Variants in LYST observed in about 807,000 individuals in gnomAD.
LYST encodes lysosomal trafficking regulator.
In LYST, 192 loss-of-function variants were observed where a neutral mutation model predicts 413.6. That is an observed-to-expected ratio of 0.46 (90% CI 0.41 to 0.52). LYST has a LOEUF of 0.52. LYST is among the 20% of genes least tolerant of loss of function. LYST has a pLI of 0.00. For missense variants in LYST, 3,815 were observed against 4,499.9 expected (o/e 0.85, Z 4.35); for synonymous variants, 1,525 against 1,567.3 (o/e 0.97, Z 0.64).
At chr1:235,860,906 T>C (rs988681237) in intron 1 of LYST, among the ~76,000 whole-genome samples, 3 of 152,142 alleles carry the variant, frequency 2.0e-5, no homozygotes, top group African/African-American at 4.8e-5. Flanking sequence ...TATAGATTAA[T>C]AGGCATTTTC....
chr1:235,724,310 T>C (rs1456316039), intron 38 of LYST, 130 bp from the exon 39 acceptor site: 1 of 729,122 alleles, frequency 1.4e-6, no homozygotes, highest in African/African-American at 1.8e-5. Flanking sequence ...TAAGATTACC[T>C]GAAAACTCTC....
chr1:235,745,724 A>T (rs1222081919), intron 29 of LYST, among the ~76,000 whole-genome samples: 1 of 152,230 alleles, frequency 6.6e-6, no homozygotes, highest in Non-Finnish European at 1.5e-5. Flanking sequence ...GGAACTATTG[A>T]TATATGCAAC....
chr1:235,860,025 C>A (rs1679674410), intron 1 of LYST, among the ~76,000 whole-genome samples: 1 of 152,092 alleles, frequency 6.6e-6, no homozygotes, highest in African/African-American at 2.4e-5. Context: ...TCACTAAGCA[C>A]TTGGCAAGCT....
chr1:235,770,932 A>T (rs1048807554), intron 19 of LYST, among the ~76,000 whole-genome samples: 1 of 152,196 alleles, frequency 6.6e-6, no homozygotes, highest in Non-Finnish European at 1.5e-5. Context: ...AAGAGATCTT[A>T]CACTGATAAC....
intron 31 of LYST, chr1:235,737,916 A>AATGACAGG: frequency 1.5e-5 from 17 of 1,163,406 alleles, no homozygotes; most frequent in Admixed American, 8.8e-5. Flanking sequence ...GCTGCCGACG[A>AATGACAGG]GTCTGGATCT....
At position 235,674,044 on chromosome 1, in the gene LYST, G is replaced by A. The variant is rs767141432; in HGVS notation, c.11038+3047C>T. ...GCTCTCTTCCAAGACCCCACAGCCC[G>A]GGGCAATAAGGCATGCCAGTCTCTC... On this transcript the variant is annotated intron_variant, in intron 50 of 52. Coordinates refer to ENST00000389793, the MANE Select transcript of LYST (RefSeq NM_000081.4). This position sits in a 1 kb window ranked among gnomAD's most constrained non-coding sequence, Gnocchi z 4.1. Among the ~76,000 whole-genome samples the A allele has an allele frequency of 6.6e-6, 1 of 152,094 alleles. No individual in the cohort carries two copies. Among genetic ancestry groups the A allele is most frequent in the Non-Finnish European group, 1.5e-5 (1 of 68,020 alleles).
At position 235,775,238 on chromosome 1, in the gene LYST, T is replaced by A. The variant is rs1572218784; in HGVS notation, c.5461-152A>T. The A allele has an allele frequency of 6.0e-6, 4 of 666,090 alleles. No individual in the cohort carries two copies. The East Asian group carries it at 1.1e-4, about 18-fold the overall frequency. 41.3% of individuals were successfully genotyped at this position (666,090 alleles called of 1,614,324 possible). On this transcript the variant is annotated intron_variant, in intron 17 of 52. Coordinates refer to ENST00000389793, the MANE Select transcript of LYST (RefSeq NM_000081.4). ...ACTCTACCTATGTAAGGCTTGTGAATAAACAAAACTGAGAGTAAGGCATAA... is the reference window on the plus strand; with the variant it reads ...ACTCTACCTATGTAAGGCTTGTGAAAAAACAAAACTGAGAGTAAGGCATAA...
chr1:235,668,327 A>G (rs1447487579), intron 50 of LYST, among the ~76,000 whole-genome samples: 1 of 152,140 alleles, frequency 6.6e-6, no homozygotes, highest in Admixed American at 6.5e-5. Flanking sequence ...AGGAGGATGA[A>G]CTCTAGTCTG....
At chr1:235,752,271 C>T (rs1172090221) in intron 26 of LYST, 100 bp from the exon 27 acceptor site, 11 of 868,074 alleles carry the variant, frequency 1.3e-5, no homozygotes, top group African/African-American at 6.7e-5. Flanking sequence ...AATTCCTGTT[C>T]GACCAGCTTG....
chr1:235,697,400 AT>A lies in LYST; in HGVS notation c.10375-129del, dbSNP rs1661195667. On this transcript the variant is annotated intron_variant, in intron 45 of 52. Coordinates refer to ENST00000389793, the MANE Select transcript of LYST (RefSeq NM_000081.4). ...TATAAGCTCTGTAAGGGCAATAATT[AT>A]TTTACGCATTTTTTTTTACTTCCCC... 1.8e-5 allele frequency: 12 copies of A among 679,298 alleles called. No individual in the cohort carries two copies. In the East Asian group the frequency reaches 3.3e-4, roughly 19 times the overall value. The allele number at this position is 679,298 out of a possible 1,614,324, so 42.1% of individuals were successfully genotyped here. A position where few individuals can be genotyped will look rare whatever the true frequency, so the allele number is the denominator to read the frequency against.
Position 235,759,088 on chromosome 1 carries a change from T to A in LYST, c.6765A>T (p.Gly2255=). 1 of 1,614,170 alleles carries A rather than the reference T, an allele frequency of 6.2e-7. No individual in the cohort carries two copies. Among genetic ancestry groups the A allele is most frequent in the Non-Finnish European group, 8.5e-7 (1 of 1,180,014 alleles). Residue 2255 remains glycine (G), a synonymous_variant, in exon 23 of 53, where the codon GGA becomes GGT. Coordinates refer to ENST00000389793, the MANE Select transcript of LYST (RefSeq NM_000081.4). ...TTGGCCAACGGCCAACAGCTGCAGA[T>A]CCGTTCTGTGAAGGAAAAGCTAGCC... is the stretch of plus-strand genomic sequence containing the variant. ...SLGLAFPSQN[G]SAAVGRWPSL...
intron 1 of LYST, among the ~76,000 whole-genome samples, chr1:235,860,544 T>A (rs1405034608): frequency 6.6e-6 from 1 of 152,214 alleles, no homozygotes; most frequent in African/African-American, 2.4e-5. Flanking sequence ...ACTGTCTCCA[T>A]AGTTTTGCCT....
chr1:235,717,346 T>C (rs1178227777), intron 40 of LYST, among the ~76,000 whole-genome samples: 1 of 152,194 alleles, frequency 6.6e-6, no homozygotes, highest in Non-Finnish European at 1.5e-5. Context: ...AGTAATACCA[T>C]TGCGCACAGT....
chr1:235,772,318 T>TA (rs1403455530), intron 19 of LYST, among the ~76,000 whole-genome samples: 1 of 152,112 alleles, frequency 6.6e-6, no homozygotes, highest in African/African-American at 2.4e-5. Context: ...ATAACCATTT[T>TA]AAAAAAATTC....
rs1412153118 is a variant in LYST, at chr1:235,806,498, CTTT to C, written c.2635_2637del (p.Lys879del). The C allele has an allele frequency of 1.9e-6, 3 of 1,614,030 alleles. No individual in the cohort carries two copies. Among genetic ancestry groups the C allele is most frequent in the Non-Finnish European group, 8.5e-7 (1 of 1,179,982 alleles). ...GTCTTCCGTCTCTTTGGATAAGCTT[CTTT>C]GAGGCCAGCATAAAATTTGCTGAGA... On this transcript the variant is annotated inframe_deletion, in exon 6 of 53. Transcript: ENST00000389793.
intron 34 of LYST, among the ~76,000 whole-genome samples, chr1:235,732,476 T>A (rs1276809054): frequency 1.3e-5 from 2 of 152,066 alleles, no homozygotes; most frequent in East Asian, 1.9e-4. Context: ...CTGCCTTCCA[T>A]ATTTCGAATA....
chr1:235,747,704 A>G (rs1201878776), intron 28 of LYST, among the ~76,000 whole-genome samples: 2 of 152,232 alleles, frequency 1.3e-5, no homozygotes, highest in Non-Finnish European at 2.9e-5. Context: ...ACACTGAATA[A>G]GGAAATGTTA....
chr1:235,779,893 T>C lies in LYST; in HGVS notation c.5214+972A>G, dbSNP rs201369759. On this transcript the variant is annotated intron_variant, in intron 16 of 52. Transcript: ENST00000389793. ...AGAAGCAAGAGAAAGAGGAACCCAG[T>C]TTCATGGCCAGATCTACTAGATTTT... 3.2e-4 allele frequency among the ~76,000 whole-genome samples: 48 copies of C among 152,202 alleles called. 1 individual carries two copies. In the East Asian group the frequency reaches 7.9e-3, roughly 25 times the overall value.
intron 3 of LYST, among the ~76,000 whole-genome samples, chr1:235,818,822 A>G (rs1054867597): frequency 2.6e-5 from 4 of 152,152 alleles, no homozygotes; most frequent in Non-Finnish European, 5.9e-5. Context: ...ATACTGGCAA[A>G]TCACCACTGC....
Sources: allele counts gnomAD v4.1 joint callset (sites outside exome capture counted in the v4.1 genomes callset), GRCh38; gene constraint gnomAD v4.1.1; non-coding constraint Gnocchi (gnomAD v3.1); transcripts MANE v1.5; gene names NCBI Gene and HGNC (gene_info 2026-07-23, HGNC 2026-07-21).